WRN: variants seen among roughly 807,000 people sequenced by gnomAD.
WRN encodes bifunctional 3'-5' exonuclease/ATP-dependent helicase WRN.
WRN carries 149 observed loss-of-function variants against 180.7 expected under a neutral mutation model. That is an observed-to-expected ratio of 0.82 (90% CI 0.72 to 0.94). The LOEUF (loss-of-function observed/expected upper bound fraction) is 0.94, where lower values mean the gene tolerates loss of function less well. WRN is among the 40% of genes least tolerant of loss of function. WRN has a pLI of 0.00. For missense variants in WRN, 1,661 were observed against 1,700.1 expected (o/e 0.98, Z 0.40); for synonymous variants, 548 against 568.9 (o/e 0.96, Z 0.52).
chr8:31,092,711 G>A (rs975015347), intron 16 of WRN, among the ~76,000 whole-genome samples: 3 of 151,482 alleles, frequency 2.0e-5, no homozygotes, highest in Admixed American at 6.6e-5. Flanking sequence ...ACAAGATACA[G>A]AATATCACTG....
intron 1 of WRN, among the ~76,000 whole-genome samples, chr8:31,052,602 G>A (rs1324844929): frequency 6.6e-6 from 1 of 152,242 alleles, no homozygotes; most frequent in Non-Finnish European, 1.5e-5. Flanking sequence ...GCCCAGGCTG[G>A]TCTCGAACCC....
At chr8:31,110,331 A>G (rs1801262440) in intron 18 of WRN, among the ~76,000 whole-genome samples, 4 of 152,198 alleles carry the variant, frequency 2.6e-5, no homozygotes, top group Non-Finnish European at 5.9e-5. Context: ...GCCACAAATC[A>G]ATGAAATTAA....
chr8:31,147,228 T>C (rs1802894328), intron 29 of WRN, 100 bp downstream of exon 29: 1 of 1,494,216 alleles, frequency 6.7e-7, no homozygotes, highest in Admixed American at 1.7e-5. Context: ...AAAATTGTTC[T>C]TAAGCTAAGA....
intron 28 of WRN, among the ~76,000 whole-genome samples, chr8:31,146,606 T>C (rs979400729): frequency 2.6e-5 from 4 of 152,184 alleles, no homozygotes; most frequent in Non-Finnish European, 5.9e-5. Context: ...TCTCTTCTTG[T>C]TTCTTCTTCC....
intron 33 of WRN, among the ~76,000 whole-genome samples, chr8:31,161,577 G>T (rs914833904): frequency 6.6e-6 from 1 of 152,042 alleles, no homozygotes; most frequent in South Asian, 2.1e-4. Context: ...GGTGGCTCAC[G>T]CCTGTAATCC....
intron 12 of WRN, 85 bp from the exon 13 acceptor site, chr8:31,088,805 A>G (rs1813633945): frequency 8.6e-7 from 1 of 1,158,368 alleles, no homozygotes; most frequent in Non-Finnish European, 1.3e-6. Context: ...TATTCTTTCA[A>G]AGAAGCCAAT....
At chr8:31,121,501 G>C (rs1442415783) in intron 21 of WRN, among the ~76,000 whole-genome samples, 1 of 151,862 alleles carries the variant, frequency 6.6e-6, no homozygotes, top group East Asian at 1.9e-4. Flanking sequence ...GGATACATAG[G>C]CTTCATTTTA....
At position 31,174,793 on chromosome 8, in the gene WRN, TCCCC is replaced by T. The variant is rs1400793636; in HGVS notation, c.*1692_*1695del. Among the ~76,000 whole-genome samples the T allele has an allele frequency of 4.1e-5, 2 of 49,124 alleles. No homozygotes were observed. Among genetic ancestry groups the T allele is most frequent in the African/African-American group, 6.0e-5 (1 of 16,750 alleles). 32.2% of individuals were successfully genotyped at this position (49,124 alleles called of 152,430 possible). A position where few individuals can be genotyped will look rare whatever the true frequency, so the allele number is the denominator to read the frequency against. On this transcript the variant is annotated 3_prime_UTR_variant, in exon 35 of 35. Coordinates refer to ENST00000298139, the MANE Select transcript of WRN (RefSeq NM_000553.6). ...CTCTCTTTCCTTCCTTCCCTTCCCT[TCCCC>T]TTCCTTCCTTCCTTCCTTCCTTCCT...
At chr8:31,043,762 C>T (rs1430050700) in intron 1 of WRN, among the ~76,000 whole-genome samples, 1 of 152,088 alleles carries the variant, frequency 6.6e-6, no homozygotes, top group African/African-American at 2.4e-5. Context: ...AACAAACTAT[C>T]GAGTATTGAA....
intron 12 of WRN, among the ~76,000 whole-genome samples, chr8:31,088,225 T>C (rs1031607233): frequency 1.3e-5 from 2 of 152,194 alleles, no homozygotes; most frequent in Non-Finnish European, 2.9e-5. Flanking sequence ...CAATGAACTT[T>C]TATTGTTTAG....
intron 24 of WRN, among the ~76,000 whole-genome samples, chr8:31,140,709 C>T (rs1466402956): frequency 6.6e-6 from 1 of 152,186 alleles, no homozygotes; most frequent in African/African-American, 2.4e-5. Flanking sequence ...TGTTGCACTG[C>T]ACTCATGGAT....
At position 31,166,792 on chromosome 8, in the gene WRN, A is replaced by G. The variant is rs948124791; in HGVS notation, c.3983-230A>G. Among the ~76,000 whole-genome samples, 5 of 152,124 alleles carry G rather than the reference A, an allele frequency of 3.3e-5. No individual in the cohort carries two copies. In the East Asian group the frequency reaches 5.8e-4, roughly 18 times the overall value. The stretch of plus-strand genomic sequence containing the variant: ...TTGAAACACAATTTATGCAGTGTCA[A>G]TAGTACTGACCTGACTTTGGATCTT... On this transcript the variant is annotated intron_variant, in intron 33 of 34. Coordinates refer to ENST00000298139, the MANE Select transcript of WRN (RefSeq NM_000553.6).
At chr8:31,132,319 AC>A (rs1157170132) in intron 23 of WRN, 45 bp from the exon 24 acceptor site, 13 of 1,597,248 alleles carry the variant, frequency 8.1e-6, no homozygotes, top group South Asian at 7.9e-5. Context: ...TTCTAAAGAT[AC>A]ATGCCTTTGC....
chr8:31,143,604 A>T lies in WRN; in HGVS notation c.3364A>T (p.Ser1122Cys). The T allele has an allele frequency of 6.3e-7, 1 of 1,589,264 alleles. No individual in the cohort carries two copies. The highest frequency in any genetic ancestry group is 8.6e-7 in the Non-Finnish European group (1 of 1,158,518). The part of the protein sequence containing the change: ...YKPCDKISSG[S>C]NISKKSIMVQ... ...ACCATGTGATAAGATTTCTTCTGGG[A>T]GTAACATTTCTAAAAAAAGGTACAG... Residue 1122 changes from serine (S) to cysteine (C), a missense_variant, in exon 28 of 35, where the codon AGT (serine) becomes TGT (cysteine). Physicochemically the swap from Ser to Cys is moderately radical, Grantham distance 112 (BLOSUM62 -1). Transcript: ENST00000298139.
rs11574343 is a variant in WRN at position 31,142,074 on chromosome 8, A to G, written c.3233+299A>G. On this transcript the variant is annotated intron_variant, in intron 26 of 34. Coordinates refer to ENST00000298139, the MANE Select transcript of WRN (RefSeq NM_000553.6). ...AAGTAATCCTCAGCCACCTGAGTAG[A>G]TGGGACTACAGACATGCACTACTAT... Among the ~76,000 whole-genome samples, 2,181 of 152,056 alleles carry G rather than the reference A, an allele frequency of 0.014. 40 individuals are homozygous for G. Among genetic ancestry groups the G allele is most frequent in the African/African-American group, 0.047 (1,968 of 41,470 alleles).
chr8:31,112,246 T>TA (rs1456812678), intron 19 of WRN, among the ~76,000 whole-genome samples: 1 of 151,854 alleles, frequency 6.6e-6, no homozygotes, highest in African/African-American at 2.4e-5. Context: ...GGCTAGGACA[T>TA]ATACTTTTAA....
chr8:31,074,673 G>C (rs1056361139), intron 7 of WRN, among the ~76,000 whole-genome samples: 3 of 152,096 alleles, frequency 2.0e-5, no homozygotes, highest in Non-Finnish European at 4.4e-5. Flanking sequence ...GTAGGCATCA[G>C]GTAGGTAAAA....
intron 19 of WRN, among the ~76,000 whole-genome samples, chr8:31,112,312 A>G (rs1801351975): frequency 6.6e-6 from 1 of 152,182 alleles, no homozygotes; most frequent in Non-Finnish European, 1.5e-5. Context: ...AATTCTGTCT[A>G]GTTTACTAAT....
rs1387729712 is a variant in WRN, at chr8:31,125,492, ATCAG to A, written c.2825+497_2825+500del. ...TGTAAAAGAATCATTTCACCAATGTATCAGTCAGGGTTCACCAGAGAAATAGGAC... is the reference window on the plus strand; with the variant it reads ...TGTAAAAGAATCATTTCACCAATGTATCAGGGTTCACCAGAGAAATAGGAC... On this transcript the variant is annotated intron_variant, in intron 23 of 34. Transcript: ENST00000298139. Among the ~76,000 whole-genome samples the A allele has an allele frequency of 5.0e-5, 7 of 138,640 alleles. No individual in the cohort carries two copies. In the East Asian group the frequency reaches 1.7e-3, roughly 33 times the overall value. 91.0% of individuals were successfully genotyped at this position (138,640 alleles called of 152,430 possible).
Sources: gnomAD v4.1 joint callset for allele counts (sites outside exome capture counted in the v4.1 genomes callset) on GRCh38, gnomAD v4.1.1 for gene constraint, MANE v1.5 for transcripts, NCBI Gene and HGNC (gene_info 2026-07-23, HGNC 2026-07-21) for gene names.